GLIS1: variants seen among roughly 807,000 people sequenced by gnomAD.
GLIS1 encodes the protein zinc finger protein GLIS1.
GLIS1 carries 24 observed loss-of-function variants against 63.8 expected under a neutral mutation model. The ratio of observed to expected loss-of-function variants is 0.38; its 90% CI spans 0.27 to 0.53. The LOEUF is 0.53. GLIS1 is among the 20% of genes least tolerant of loss of function. GLIS1 has a pLI of 0.85. For missense variants in GLIS1, 1,036 were observed against 1,074.1 expected, an observed-to-expected ratio of 0.96 and a Z score of 0.50; for synonymous variants, 450 against 482.5, an observed-to-expected ratio of 0.93 and a Z score of 0.88.
intron 2 of GLIS1, among the ~76,000 whole-genome samples, chr1:53,721,941 G>A (rs1646759877): frequency 6.6e-6 from 1 of 152,094 alleles, no homozygotes; most frequent in Non-Finnish European, 1.5e-5. Context: ...CCTAATGACA[G>A]CACTTTAAAA....
At chr1:53,557,988 A>T (rs1644849605) in intron 4 of GLIS1, among the ~76,000 whole-genome samples, 1 of 152,232 alleles carries the variant, frequency 6.6e-6, no homozygotes, top group Admixed American at 6.5e-5. Flanking sequence ...GGGAGCCCCA[A>T]ATCAAAGCAG....
At chr1:53,686,174 G>A (rs1405997818) in intron 2 of GLIS1, among the ~76,000 whole-genome samples, 4 of 152,124 alleles carry the variant, frequency 2.6e-5, no homozygotes, top group Non-Finnish European at 4.4e-5. Flanking sequence ...GTTTCCCCAC[G>A]GAGCGGAGCT....
intron 2 of GLIS1, among the ~76,000 whole-genome samples, chr1:53,625,681 T>C (rs184852044): frequency 6.6e-6 from 1 of 152,198 alleles, no homozygotes; most frequent in South Asian, 2.1e-4. Flanking sequence ...GCCCTGATGC[T>C]TTGTAAGGAA....
chr1:53,661,976 T>C (rs1438709606), intron 2 of GLIS1, among the ~76,000 whole-genome samples: 1 of 152,102 alleles, frequency 6.6e-6, no homozygotes, highest in Non-Finnish European at 1.5e-5. Context: ...GGCCATAGAT[T>C]GGGGCTGGGG....
At chr1:53,562,736 A>G (rs1644904425) in intron 4 of GLIS1, among the ~76,000 whole-genome samples, 1 of 152,208 alleles carries the variant, frequency 6.6e-6, no homozygotes, top group African/African-American at 2.4e-5. Context: ...CTTAACCACT[A>G]GAAACCTCGA....
chr1:53,622,016 G>A (rs905422721), intron 2 of GLIS1, among the ~76,000 whole-genome samples: 55 of 152,150 alleles, frequency 3.6e-4, no homozygotes, highest in Non-Finnish European at 3.1e-4. Context: ...GGATGGTCTC[G>A]ACCTCTTGAT....
At chr1:53,534,320 T>TG (rs1644561330) in intron 4 of GLIS1, among the ~76,000 whole-genome samples, 1 of 152,022 alleles carries the variant, frequency 6.6e-6, no homozygotes, top group Non-Finnish European at 1.5e-5. Context: ...AATGATTCCA[T>TG]GGGGCCTGCA....
intron 2 of GLIS1, among the ~76,000 whole-genome samples, chr1:53,661,335 G>C (rs964832871): frequency 6.6e-6 from 1 of 152,180 alleles, no homozygotes; most frequent in African/African-American, 2.4e-5. Context: ...AGCACATCCA[G>C]GATAGAAGGC....
At chr1:53,534,364 G>A (rs777701598) in intron 4 of GLIS1, among the ~76,000 whole-genome samples, 1 of 152,040 alleles carries the variant, frequency 6.6e-6, no homozygotes, top group Non-Finnish European at 1.5e-5. Flanking sequence ...GGGCCTTCCT[G>A]ACATCCCGGT....
chr1:53,628,079 G>A (rs1569945110), intron 2 of GLIS1, among the ~76,000 whole-genome samples: 1 of 152,140 alleles, frequency 6.6e-6, no homozygotes, highest in South Asian at 2.1e-4. Flanking sequence ...AGCCCTGAGG[G>A]GCCAGTCCCC....
At chr1:53,676,918 G>A (rs1646218710) in intron 2 of GLIS1, among the ~76,000 whole-genome samples, 1 of 152,196 alleles carries the variant, frequency 6.6e-6, no homozygotes, top group Non-Finnish European at 1.5e-5. Flanking sequence ...GGACGCACTT[G>A]CCTTCAAATC....
At chr1:53,572,321 A>C (rs1644991716) in intron 4 of GLIS1, among the ~76,000 whole-genome samples, 1 of 152,234 alleles carries the variant, frequency 6.6e-6, no homozygotes, top group Non-Finnish European at 1.5e-5. Context: ...TTGGGAGCTC[A>C]TCCTATTGCA....
intron 4 of GLIS1, among the ~76,000 whole-genome samples, chr1:53,584,040 A>G (rs1257429765): frequency 6.6e-6 from 1 of 152,166 alleles, no homozygotes; most frequent in Non-Finnish European, 1.5e-5. Flanking sequence ...GACTGGGTGC[A>G]TGGTCCGAGG....
intron 2 of GLIS1, among the ~76,000 whole-genome samples, chr1:53,655,836 A>T (rs955285452): frequency 6.6e-5 from 10 of 152,204 alleles, no homozygotes; most frequent in African/African-American, 9.7e-5. Context: ...CCTCAGGTTG[A>T]GGCACCACGA....
chr1:53,670,861 G>A (rs1425637645), intron 2 of GLIS1, among the ~76,000 whole-genome samples: 1 of 152,194 alleles, frequency 6.6e-6, no homozygotes, highest in Non-Finnish European at 1.5e-5. Flanking sequence ...TGTTTATCAC[G>A]TTACTATTTG....
intron 2 of GLIS1, among the ~76,000 whole-genome samples, chr1:53,648,054 G>T (rs972478429): frequency 6.6e-6 from 1 of 151,926 alleles, no homozygotes; most frequent in Non-Finnish European, 1.5e-5. Context: ...TGCACCTGTG[G>T]TCCCAGCTAC....
intron 2 of GLIS1, among the ~76,000 whole-genome samples, chr1:53,705,539 C>G (rs1173586): frequency 0.93 from 140,861 of 152,218 alleles, 65,339 homozygotes; most frequent in Admixed American, 0.96. Context: ...GCTAGTTAGA[C>G]GTCCTACTGA....
intron 8 of GLIS1, 46 bp from the exon 9 acceptor site, chr1:53,510,073 T>C: frequency 8.6e-7 from 1 of 1,156,830 alleles, no homozygotes; most frequent in East Asian, 3.2e-5. Context: ...GTCTGGAGGG[T>C]GGGGGCCAGA....
chr1:53,532,229 G>T (rs938402084), intron 4 of GLIS1, among the ~76,000 whole-genome samples: 2 of 152,248 alleles, frequency 1.3e-5, no homozygotes, highest in Non-Finnish European at 2.9e-5. Flanking sequence ...GGGACCGGGG[G>T]AGGAGACAGG....
Sources: gnomAD v4.1 joint callset for allele counts (sites outside exome capture counted in the v4.1 genomes callset) on GRCh38, gnomAD v4.1.1 for gene constraint, MANE v1.5 for transcripts, NCBI Gene and HGNC (gene_info 2026-07-23, HGNC 2026-07-21) for gene names.